Variants in ITGAD observed in about 807,000 individuals in gnomAD.
ITGAD encodes integrin subunit alpha D.
Under a neutral mutation model 139.0 loss-of-function variants are expected in ITGAD, and 105 were observed. That is an observed-to-expected ratio of 0.76 (90% CI 0.65 to 0.89). The LOEUF is 0.89. Ranked by LOEUF, ITGAD falls within the 40% of genes least tolerant of loss-of-function variation. The pLI, the probability that ITGAD is intolerant of heterozygous loss-of-function variation, is 0.00. For synonymous variants in ITGAD, 569 were observed against 598.3 expected (o/e 0.95, Z 0.71); for missense variants, 1,384 against 1,487.3 (o/e 0.93, Z 1.14).
intron 5 of ITGAD, 118 bp from the exon 6 acceptor site, chr16:31,401,997 A>G (rs1234507798): frequency 1.7e-6 from 2 of 1,197,062 alleles, no homozygotes; most frequent in Non-Finnish European, 2.4e-6. Flanking sequence ...TCCTCCAAGG[A>G]GGGGTCGGAA....
rs930393311 is a variant in ITGAD at position 31,425,446 on chromosome 16, T to C, written c.3373-569T>C. Among the ~76,000 whole-genome samples, 4 of 152,322 alleles carry C rather than the reference T, an allele frequency of 2.6e-5. No homozygotes were observed. In the East Asian group the frequency reaches 5.8e-4, roughly 22 times the overall value. ...GTGAGAGAGAAATGAGGCCAGGGCATGTGCACAGATCTGCCTGGATCTATG... is the reference window on the plus strand; with the variant it reads ...GTGAGAGAGAAATGAGGCCAGGGCACGTGCACAGATCTGCCTGGATCTATG... On this transcript the variant is annotated intron_variant, in intron 29 of 29. Coordinates refer to ENST00000389202, the MANE Select transcript of ITGAD (RefSeq NM_005353.3).
At chr16:31,406,813 GAAC>G (rs1430372343) in intron 7 of ITGAD, among the ~76,000 whole-genome samples, 3 of 152,156 alleles carry the variant, frequency 2.0e-5, no homozygotes, top group African/African-American at 7.2e-5. Flanking sequence ...GTGTGGGAGG[GAAC>G]CAGGTGTGGT....
chr16:31,398,108 A>AT (rs1221133088), intron 5 of ITGAD, among the ~76,000 whole-genome samples, 199 bp downstream of exon 5: 2 of 151,708 alleles, frequency 1.3e-5, no homozygotes, highest in Non-Finnish European at 2.9e-5. Flanking sequence ...TTTTCTTTAT[A>AT]TTTTTTTCTT....
At position 31,412,925 on chromosome 16, in the gene ITGAD, A is replaced by G; in HGVS notation, c.1795A>G (p.Met599Val). Residue 599 changes from methionine (M) to valine (V), a missense_variant, in exon 15 of 30, where the codon ATG becomes GTG. Transcript: ENST00000389202. ...GGQDLTQDGLMDLAVGARGQV... is the reference protein window; with the variant it reads ...GGQDLTQDGLVDLAVGARGQV... ...TCAGGACCTCACCCAGGATGGACTGATGGACCTGGCCGTGGGGGCCCGGGG... is the reference window on the plus strand; with the variant it reads ...TCAGGACCTCACCCAGGATGGACTGGTGGACCTGGCCGTGGGGGCCCGGGG... 6.2e-6 allele frequency: 10 copies of G among 1,612,710 alleles called. No homozygotes were observed. Among genetic ancestry groups the G allele is most frequent in the Non-Finnish European group, 7.6e-6 (9 of 1,179,412 alleles).
chr16:31,409,874 T>C (rs2081636635), intron 10 of ITGAD, among the ~76,000 whole-genome samples: 2 of 137,152 alleles, frequency 1.5e-5, no homozygotes, highest in South Asian at 4.5e-4. Context: ...ATTGTGCCAC[T>C]GCATCACAGC....
rs757275588 is a variant in ITGAD at position 31,412,949 on chromosome 16, GGCCAGGTGCTCCT to G, written c.1822_1834del (p.Gln608SerfsTer7). Reference sequence around the variant, plus strand: ...GATGGACCTGGCCGTGGGGGCCCGGGGCCAGGTGCTCCTGCTCAGGTAGCGACTCCCCAACATC... The same window carrying G: ...GATGGACCTGGCCGTGGGGGCCCGGGGCTCAGGTAGCGACTCCCCAACATC... On this transcript the variant is annotated frameshift_variant, in exon 15 of 30. Coordinates refer to ENST00000389202, the MANE Select transcript of ITGAD (RefSeq NM_005353.3). LOFTEE classifies it high-confidence loss of function. 4 of 1,609,392 alleles carry G rather than the reference GGCCAGGTGCTCCT, an allele frequency of 2.5e-6. No individual in the cohort carries two copies. In the South Asian group the frequency reaches 4.4e-5, roughly 18 times the overall value.
Sources: gnomAD v4.1 joint callset for allele counts (sites outside exome capture counted in the v4.1 genomes callset) on GRCh38, gnomAD v4.1.1 for gene constraint, MANE v1.5 for transcripts, NCBI Gene and HGNC (gene_info 2026-07-23, HGNC 2026-07-21) for gene names.